Variants in SLC38A6 observed in about 807,000 individuals in gnomAD.
The protein encoded by SLC38A6 is N system amino acid transporter NAT-1.
Under a neutral mutation model 65.0 loss-of-function variants are expected in SLC38A6, and 73 were observed. The observed-to-expected ratio is 1.12, with a 90% CI of 0.93 to 1.37. The LOEUF (loss-of-function observed/expected upper bound fraction) is 1.37. Ranked by LOEUF, SLC38A6 falls within the 40% of genes most tolerant of loss-of-function variation. SLC38A6 has a pLI of 0.00. For missense variants in SLC38A6, 561 were observed against 531.1 expected, an observed-to-expected ratio of 1.06 and a Z score of -0.55; for synonymous variants, 183 against 178.8, an observed-to-expected ratio of 1.02 and a Z score of -0.19.
intron 3 of SLC38A6, chr14:61,004,558 C>A (rs2038946393): frequency 1.3e-5 from 2 of 152,154 alleles, no homozygotes; most frequent in African/African-American, 4.8e-5. Context: ...ACTACAAACA[C>A]CTCTACGCAA....
intron 15 of SLC38A6, 88 bp from the exon 16 acceptor site, chr14:61,052,261 G>C: frequency 4.6e-6 from 6 of 1,299,060 alleles, no homozygotes; most frequent in Non-Finnish European, 6.3e-6. Context: ...ATTGCAGAGA[G>C]TAGAGATTTA....
chr14:61,011,548 A>G (rs543816837), intron 3 of SLC38A6, among the ~76,000 whole-genome samples: 1 of 152,284 alleles, frequency 6.6e-6, no homozygotes, highest in South Asian at 2.1e-4. Flanking sequence ...ATTTTGAGAT[A>G]CGTCCCATCA....
intron 8 of SLC38A6, among the ~76,000 whole-genome samples, chr14:61,039,197 A>G (rs963821374): frequency 6.6e-6 from 1 of 152,180 alleles, no homozygotes; most frequent in African/African-American, 2.4e-5. Flanking sequence ...GCAGATTTCT[A>G]ATGTAGCAGC....
chr14:60,996,898 T>TA (rs2038332892), intron 3 of SLC38A6, among the ~76,000 whole-genome samples: 1 of 152,240 alleles, frequency 6.6e-6, no homozygotes, highest in African/African-American at 2.4e-5. Flanking sequence ...CTAGCCAAAC[T>TA]GTTGCTTAAG....
chr14:61,016,239 C>T (rs754803756), intron 4 of SLC38A6, among the ~76,000 whole-genome samples: 19 of 152,066 alleles, frequency 1.2e-4, no homozygotes, highest in Non-Finnish European at 1.9e-4. Flanking sequence ...GTAACGATGA[C>T]CTGTTTTAAG....
chr14:61,001,621 A>G (rs979694863), intron 3 of SLC38A6, among the ~76,000 whole-genome samples: 4 of 152,058 alleles, frequency 2.6e-5, no homozygotes, highest in African/African-American at 7.2e-5. Context: ...ACATGTAAAG[A>G]GTTTTGTTTT....
intron 5 of SLC38A6, among the ~76,000 whole-genome samples, chr14:61,023,592 T>TAATA (rs2040458404): frequency 1.4e-5 from 2 of 146,758 alleles, no homozygotes; most frequent in Admixed American, 1.4e-4. Context: ...AATAATAATA[T>TAATA]ATATATATAC....
intron 3 of SLC38A6, among the ~76,000 whole-genome samples, chr14:60,986,205 C>G (rs886446258): frequency 2.0e-5 from 3 of 152,242 alleles, no homozygotes; most frequent in African/African-American, 4.8e-5. Flanking sequence ...AGCCACTGCT[C>G]TAGTTTGTTT....
intron 8 of SLC38A6, among the ~76,000 whole-genome samples, chr14:61,041,672 G>A (rs2041823900): frequency 6.6e-6 from 1 of 152,154 alleles, no homozygotes; most frequent in African/African-American, 2.4e-5. Flanking sequence ...CCTGGGACAG[G>A]CGGATTACTT....
At chr14:61,009,033 C>T (rs771789293) in intron 3 of SLC38A6, among the ~76,000 whole-genome samples, 3 of 152,134 alleles carry the variant, frequency 2.0e-5, no homozygotes, top group Non-Finnish European at 4.4e-5. Flanking sequence ...TTTACCTATT[C>T]TAAGAGGACT....
chr14:61,045,465 T>C (rs2042081752), intron 11 of SLC38A6, 40 bp downstream of exon 11: 2 of 1,433,270 alleles, frequency 1.4e-6, no homozygotes, highest in Non-Finnish European at 2.0e-6. Flanking sequence ...ATATTGTGTA[T>C]CTTTTTACCT....
intron 2 of SLC38A6, among the ~76,000 whole-genome samples, chr14:60,983,327 C>T (rs1393097822): frequency 6.6e-6 from 1 of 152,098 alleles, no homozygotes; most frequent in Admixed American, 6.5e-5. Flanking sequence ...CCCATCTCTG[C>T]CCAAAATACA....
chr14:60,982,755 G>A (rs1594940519), intron 2 of SLC38A6, 117 bp downstream of exon 2: 2 of 1,203,276 alleles, frequency 1.7e-6, no homozygotes, highest in Admixed American at 2.8e-5. Context: ...TATTTCTGGG[G>A]TTTTAGCATT....
At chr14:60,991,350 A>G (rs919595293) in intron 3 of SLC38A6, among the ~76,000 whole-genome samples, 3 of 152,174 alleles carry the variant, frequency 2.0e-5, no homozygotes, top group Non-Finnish European at 2.9e-5. Context: ...ACTTAGCATC[A>G]TTCTAAGGAC....
intron 15 of SLC38A6, among the ~76,000 whole-genome samples, chr14:61,064,665 C>CA (rs946991668): frequency 2.1e-4 from 31 of 148,944 alleles, no homozygotes; most frequent in East Asian, 1.4e-3. Flanking sequence ...CCAAGATTAC[C>CA]AAAAAAAACC....
At chr14:61,017,778 T>A (rs1368226846) in intron 4 of SLC38A6, among the ~76,000 whole-genome samples, 1 of 152,186 alleles carries the variant, frequency 6.6e-6, no homozygotes, top group African/African-American at 2.4e-5. Context: ...CCAAAAAAGT[T>A]CATAGTAGGC....
intron 5 of SLC38A6, among the ~76,000 whole-genome samples, chr14:61,020,697 AC>A (rs796128675): frequency 4.1e-4 from 63 of 152,250 alleles, no homozygotes; most frequent in African/African-American, 1.5e-3. Context: ...AGTCAAGAAA[AC>A]CAGTCTCTTC....
chr14:61,018,763 A>G (rs1460301067), intron 4 of SLC38A6, among the ~76,000 whole-genome samples: 2 of 152,190 alleles, frequency 1.3e-5, no homozygotes, highest in East Asian at 1.9e-4. Flanking sequence ...CACATTTTAT[A>G]TGGCTCAAAT....
chr14:60,994,276 T>C lies in SLC38A6; in HGVS notation c.310+9473T>C, dbSNP rs565680261. On this transcript the variant is annotated intron_variant, in intron 3 of 15. Transcript: ENST00000267488. ...AAGTAGAAATGAGGTGCCGGAGCCTTGGCTCACGCCTGTAATCCCAGCACT... is the reference window on the plus strand; with the variant it reads ...AAGTAGAAATGAGGTGCCGGAGCCTCGGCTCACGCCTGTAATCCCAGCACT... Among the ~76,000 whole-genome samples, 23 of 152,380 alleles carry C rather than the reference T, an allele frequency of 1.5e-4. 1 individual carries two copies. In the South Asian group the frequency reaches 4.6e-3, roughly 30 times the overall value.
Sources: allele counts gnomAD v4.1 joint callset (sites outside exome capture counted in the v4.1 genomes callset), GRCh38; gene constraint gnomAD v4.1.1; transcripts MANE v1.5; gene names NCBI Gene and HGNC (gene_info 2026-07-23, HGNC 2026-07-21).